RAPH1: variants seen among roughly 807,000 people sequenced by gnomAD.
RAPH1 encodes the protein ras-associated and pleckstrin homology domains-containing protein 1.
In RAPH1, 18 loss-of-function variants were observed where a neutral mutation model predicts 88.1. That is an observed-to-expected ratio of 0.20 (90% CI 0.14 to 0.30). The LOEUF is 0.30. Among genes scored for constraint, RAPH1 ranks in the 10% least tolerant of loss-of-function variants. The pLI, the probability that RAPH1 is intolerant of heterozygous loss-of-function variation, is 1.00. For synonymous variants in RAPH1, 587 were observed against 559.0 expected, an observed-to-expected ratio of 1.05 and a Z score of -0.71; for missense variants, 1,448 against 1,543.2, an observed-to-expected ratio of 0.94 and a Z score of 1.03.
intron 1 of RAPH1, among the ~76,000 whole-genome samples, chr2:203,520,801 C>T (rs1266995153): frequency 6.6e-6 from 1 of 152,070 alleles, no homozygotes; most frequent in African/African-American, 2.4e-5. Flanking sequence ...TCTGGTAGGA[C>T]ATATATTCCT....
rs1178039042 is a variant in RAPH1, at chr2:203,434,929, T to TA, written c.*4507dup. On this transcript the variant is annotated 3_prime_UTR_variant, in exon 14 of 14. Coordinates refer to ENST00000319170, the MANE Select transcript of RAPH1 (RefSeq NM_213589.3). ...TTTTCATTTCTGCCAAAACTAGAAA[T>TA]ACCACCTTCCTTTACTTTCATTAGC... 6.6e-6 allele frequency: 1 copy of TA among 152,624 alleles called. No homozygotes were observed. Among genetic ancestry groups the TA allele is most frequent in the Non-Finnish European group, 1.5e-5 (1 of 68,040 alleles). 9.5% of individuals were successfully genotyped at this position (152,624 alleles called of 1,614,324 possible).
intron 13 of RAPH1, chr2:203,441,660 C>A: frequency 7.6e-7 from 1 of 1,314,830 alleles, no homozygotes; most frequent in Non-Finnish European, 9.6e-7. Flanking sequence ...ATCTAACAAT[C>A]TAGGAAAAAT....
At position 203,434,450 on chromosome 2, in the gene RAPH1, A is replaced by G. The variant is rs1282499043; in HGVS notation, c.*4987T>C. The G allele has an allele frequency of 6.6e-5, 10 of 152,586 alleles. No individual in the cohort carries two copies. The highest frequency in any genetic ancestry group is 6.5e-4 in the Admixed American group (10 of 15,278). 9.5% of individuals were successfully genotyped at this position (152,586 alleles called of 1,614,324 possible). On this transcript the variant is annotated 3_prime_UTR_variant, in exon 14 of 14. Coordinates refer to ENST00000319170, the MANE Select transcript of RAPH1 (RefSeq NM_213589.3). Reference sequence around the variant, plus strand: ...AAAACACTTAGCACAAGCTAATTTTATCTTAAATGTACATCTCTGTAAGAG... The same window carrying G: ...AAAACACTTAGCACAAGCTAATTTTGTCTTAAATGTACATCTCTGTAAGAG...
At position 203,448,704 on chromosome 2, in the gene RAPH1, CATT is replaced by C. The variant is rs1408182158; in HGVS notation, c.1512+31_1512+33del. 1 of 1,397,602 alleles carries C rather than the reference CATT, an allele frequency of 7.2e-7. No homozygotes were observed. The highest frequency in any genetic ancestry group is 1.4e-5 in the African/African-American group (1 of 69,192). 86.6% of individuals were successfully genotyped at this position (1,397,602 alleles called of 1,614,324 possible). On this transcript the variant is annotated intron_variant, in intron 11 of 13. Coordinates refer to ENST00000319170, the MANE Select transcript of RAPH1 (RefSeq NM_213589.3). This position sits in a 1 kb window ranked among gnomAD's most constrained non-coding sequence, Gnocchi z 4.1. ...AAAACTATATCATCGACAAACACCTCATTATTCCATCATCAAATCAAAAGGAGA... is the reference window on the plus strand; with the variant it reads ...AAAACTATATCATCGACAAACACCTCATTCCATCATCAAATCAAAAGGAGA...
chr2:203,533,877 T>C (rs1332948393), intron 1 of RAPH1, among the ~76,000 whole-genome samples: 1 of 152,058 alleles, frequency 6.6e-6, no homozygotes, highest in African/African-American at 2.4e-5. Flanking sequence ...GGTAAACAGG[T>C]GGTGTTATTC....
In RAPH1 at chr2:203,495,107, T is replaced by TTG. The variant is rs1359925926; in HGVS notation, c.120+126_120+127insCA. 5.7e-5 allele frequency: 57 copies of TTG among 994,598 alleles called. No homozygotes were observed. In the African/African-American group the frequency reaches 7.1e-4, roughly 12 times the overall value. The allele number at this position is 994,598 out of a possible 1,614,324, so 61.6% of individuals were successfully genotyped here. A position where few individuals can be genotyped will look rare whatever the true frequency, so the allele number is the denominator to read the frequency against. On this transcript the variant is annotated intron_variant, in intron 2 of 13. Transcript: ENST00000319170. Reference sequence around the variant, plus strand: ...AATGACTTCATTTACTTGTCAATACTTCGAACATTTCTTCCTTTCTGGCAA... The same window carrying TTG: ...AATGACTTCATTTACTTGTCAATACTTGTCGAACATTTCTTCCTTTCTGGCAA...
chr2:203,490,748 C>T (rs1688221348), intron 3 of RAPH1, among the ~76,000 whole-genome samples: 1 of 151,980 alleles, frequency 6.6e-6, no homozygotes, highest in South Asian at 2.1e-4. Context: ...ATACACAAAT[C>T]AAGAAATTTA....
chr2:203,494,216 A>C (rs1688410881), intron 2 of RAPH1, among the ~76,000 whole-genome samples: 3 of 152,110 alleles, frequency 2.0e-5, no homozygotes, highest in Admixed American at 1.3e-4. Context: ...GCAATTTTAC[A>C]CAAATGTTCT....
chr2:203,517,648 A>G (rs143157837), intron 1 of RAPH1, among the ~76,000 whole-genome samples: 72 of 152,320 alleles, frequency 4.7e-4, no homozygotes, highest in African/African-American at 1.7e-3. Context: ...GTAACATAAT[A>G]GAAACCATAT....
At chr2:203,534,050 T>A (rs779999070) in intron 1 of RAPH1, among the ~76,000 whole-genome samples, 1 of 152,178 alleles carries the variant, frequency 6.6e-6, no homozygotes, top group Non-Finnish European at 1.5e-5. Context: ...GAGTAGGTAT[T>A]CCATAAATGT....
At chr2:203,493,988 A>AAAAAAAAAAAAAAAAAAG (rs1688392239) in intron 2 of RAPH1, among the ~76,000 whole-genome samples, 1 of 150,392 alleles carries the variant, frequency 6.6e-6, no homozygotes, top group Non-Finnish European at 1.5e-5. Context: ...AAAAAAAAAA[A>AAAAAAAAAAAAAAAAAAG]AAAAAAAAAA....
At chr2:203,444,326 GGAGGCT>G (rs1322312714) in intron 13 of RAPH1, 1 of 152,274 alleles carries the variant, frequency 6.6e-6, no homozygotes, top group African/African-American at 2.4e-5. Flanking sequence ...CAGCTACTCG[GGAGGCT>G]GAGGCAGGAG....
At chr2:203,527,876 A>G (rs999987172) in intron 1 of RAPH1, among the ~76,000 whole-genome samples, 10 of 151,844 alleles carry the variant, frequency 6.6e-5, no homozygotes, top group African/African-American at 1.9e-4. Context: ...TTTGACCTCA[A>G]TGAAACAAAG....
chr2:203,435,397 ATAAG>A lies in RAPH1; in HGVS notation c.*4036_*4039del, dbSNP rs2098497699. ...AAAAAAAAAAAAACCTTAAAAGATA[ATAAG>A]TATCTAATTCTTTTATACTTGCATT... On this transcript the variant is annotated 3_prime_UTR_variant, in exon 14 of 14. Coordinates refer to ENST00000319170, the MANE Select transcript of RAPH1 (RefSeq NM_213589.3). 6.6e-6 allele frequency: 1 copy of A among 151,978 alleles called. No homozygotes were observed. The highest frequency in any genetic ancestry group is 2.4e-5 in the African/African-American group (1 of 41,356). 9.4% of individuals were successfully genotyped at this position (151,978 alleles called of 1,614,324 possible). A position where few individuals can be genotyped will look rare whatever the true frequency, so the allele number is the denominator to read the frequency against.
intron 1 of RAPH1, among the ~76,000 whole-genome samples, chr2:203,501,570 C>A (rs947880255): frequency 1.3e-5 from 2 of 152,078 alleles, no homozygotes; most frequent in African/African-American, 4.8e-5. Context: ...GAGTTTGAGA[C>A]CTGCCTGGGC....
At chr2:203,508,979 G>T (rs1338815071) in intron 1 of RAPH1, among the ~76,000 whole-genome samples, 1 of 150,798 alleles carries the variant, frequency 6.6e-6, no homozygotes, top group Non-Finnish European at 1.5e-5. Flanking sequence ...AACCTTTTTA[G>T]CTTATTTATA....
chr2:203,483,308 T>C (rs917598428), intron 4 of RAPH1, among the ~76,000 whole-genome samples: 4 of 152,180 alleles, frequency 2.6e-5, no homozygotes, highest in African/African-American at 7.2e-5. Flanking sequence ...CAAGATGATA[T>C]TGGCTTGGTG....
chr2:203,489,368 C>A (rs765433392), intron 4 of RAPH1, among the ~76,000 whole-genome samples: 1 of 152,022 alleles, frequency 6.6e-6, no homozygotes, highest in African/African-American at 2.4e-5. Context: ...ACTATAGTCA[C>A]GAGAATAAAA....
At chr2:203,523,407 A>AC (rs1689981496) in intron 1 of RAPH1, among the ~76,000 whole-genome samples, 1 of 151,242 alleles carries the variant, frequency 6.6e-6, no homozygotes. Flanking sequence ...AAAAAAAAAA[A>AC]CCACGTCAGA....
Sources: allele counts gnomAD v4.1 joint callset (sites outside exome capture counted in the v4.1 genomes callset), GRCh38; gene constraint gnomAD v4.1.1; non-coding constraint Gnocchi (gnomAD v3.1); transcripts MANE v1.5; gene names NCBI Gene and HGNC (gene_info 2026-07-23, HGNC 2026-07-21).